The following FOCAD variants were observed in gnomAD, a reference collection of about 807,000 sequenced individuals.
The protein encoded by FOCAD is KIAA1797.
FOCAD carries 198 observed loss-of-function variants against 225.6 expected under a neutral mutation model. The ratio of observed to expected loss-of-function variants is 0.88; its 90% confidence interval spans 0.78 to 0.99. The LOEUF is 0.99. FOCAD is among the 50% of genes least tolerant of loss of function. The pLI, the probability that FOCAD is intolerant of heterozygous loss-of-function variation, is 0.00. For synonymous variants in FOCAD, 897 were observed against 755.0 expected (o/e 1.19, Z -3.08); for missense variants, 2,713 against 2,123.6 (o/e 1.28, Z -5.46).
rs1824488257 is a variant in FOCAD, at chr9:20,822,985, G to A, written c.1794-4G>A. On this transcript the variant is annotated splice_polypyrimidine_tract_variant and splice_region_variant and intron_variant, in intron 14 of 43. Transcript: ENST00000338382. ...TTTTGCTTTTAAACTTTCATTTCTT[G>A]TAGGCCATATCAACATGGTGCAGAT... The A allele has an allele frequency of 1.9e-6, 3 of 1,579,590 alleles. No individual in the cohort carries two copies. Among genetic ancestry groups the A allele is most frequent in the Non-Finnish European group, 2.6e-6 (3 of 1,168,268 alleles).
chr9:20,716,857 G>A (rs1161125551), intron 2 of FOCAD, among the ~76,000 whole-genome samples: 1 of 152,144 alleles, frequency 6.6e-6, no homozygotes, highest in Admixed American at 6.5e-5. Context: ...GAACTCTTGT[G>A]TGACTATAAA....
chr9:20,815,324 T>A (rs1405635662), intron 11 of FOCAD, among the ~76,000 whole-genome samples: 5 of 149,568 alleles, frequency 3.3e-5, no homozygotes, highest in Non-Finnish European at 5.9e-5. Flanking sequence ...TTTTTTTTTT[T>A]AGTATAGGTG....
intron 6 of FOCAD, among the ~76,000 whole-genome samples, chr9:20,758,929 C>G (rs1829314329): frequency 6.6e-6 from 1 of 152,142 alleles, no homozygotes; most frequent in Non-Finnish European, 1.5e-5. Context: ...TCTCAGGATA[C>G]AAACTCAATG....
chr9:20,857,536 A>G (rs1367520042), intron 15 of FOCAD, among the ~76,000 whole-genome samples: 1 of 151,916 alleles, frequency 6.6e-6, no homozygotes, highest in Non-Finnish European at 1.5e-5. Context: ...ATCATTTGGA[A>G]AGAAAAATAA....
At chr9:20,953,798 C>G (rs1237547717) in intron 35 of FOCAD, among the ~76,000 whole-genome samples, 1 of 152,092 alleles carries the variant, frequency 6.6e-6, no homozygotes, top group Non-Finnish European at 1.5e-5. Context: ...TTTATTCTTC[C>G]TTGGCTAGGT....
chr9:20,943,636 G>A (rs920882086), intron 28 of FOCAD, among the ~76,000 whole-genome samples: 1 of 152,060 alleles, frequency 6.6e-6, no homozygotes. Flanking sequence ...ACTGACCAAG[G>A]GGGTAGATGC....
chr9:20,877,861 T>A (rs370997895), intron 19 of FOCAD, among the ~76,000 whole-genome samples: 1 of 151,614 alleles, frequency 6.6e-6, no homozygotes, highest in Admixed American at 6.6e-5. Context: ...TAAGCCAACA[T>A]TGCACCACTG....
intron 7 of FOCAD, among the ~76,000 whole-genome samples, chr9:20,769,637 G>T (rs1039519482): frequency 7.9e-5 from 12 of 152,330 alleles, no homozygotes; most frequent in Non-Finnish European, 1.5e-4. Context: ...ATAACATGCT[G>T]ACTCTTTACT....
At chr9:20,834,431 A>G (rs937878195) in intron 15 of FOCAD, among the ~76,000 whole-genome samples, 1 of 151,940 alleles carries the variant, frequency 6.6e-6, no homozygotes, top group Non-Finnish European at 1.5e-5. Context: ...CATCCTACAC[A>G]TGTACCTTGG....
intron 4 of FOCAD, among the ~76,000 whole-genome samples, chr9:20,723,086 TC>T (rs1825912255): frequency 1.3e-5 from 2 of 152,196 alleles, no homozygotes; most frequent in African/African-American, 4.8e-5. Flanking sequence ...TATTAATTCT[TC>T]CTCCCTATTG....
At chr9:20,945,075 G>A (rs1195239856) in intron 29 of FOCAD, among the ~76,000 whole-genome samples, 2 of 152,184 alleles carry the variant, frequency 1.3e-5, no homozygotes, top group South Asian at 2.1e-4. Flanking sequence ...AGGTTAAATC[G>A]AGATTTTTAG....
intron 19 of FOCAD, among the ~76,000 whole-genome samples, chr9:20,877,569 A>G (rs550141556): frequency 2.6e-5 from 4 of 152,338 alleles, no homozygotes; most frequent in Non-Finnish European, 4.4e-5. Flanking sequence ...ATAAACAAAT[A>G]GCCCTCAAAA....
intron 2 of FOCAD, among the ~76,000 whole-genome samples, chr9:20,666,162 T>C (rs547726079): frequency 3.3e-5 from 5 of 152,342 alleles, no homozygotes; most frequent in Middle Eastern, 6.8e-3. Flanking sequence ...GTTTGTTCAT[T>C]TGTTGTTAAA....
intron 21 of FOCAD, among the ~76,000 whole-genome samples, chr9:20,900,402 T>C (rs904215557): frequency 6.6e-6 from 1 of 151,958 alleles, no homozygotes; most frequent in African/African-American, 2.4e-5. Flanking sequence ...TCTACATTCT[T>C]TCTTCTTTTT....
intron 15 of FOCAD, among the ~76,000 whole-genome samples, chr9:20,861,058 C>A (rs577824964): frequency 2.0e-5 from 3 of 152,116 alleles, no homozygotes; most frequent in Non-Finnish European, 4.4e-5. Context: ...TTCTTCAAAT[C>A]TCTTCTCAGG....
intron 35 of FOCAD, among the ~76,000 whole-genome samples, chr9:20,972,787 T>C (rs948832319): frequency 6.6e-6 from 1 of 152,220 alleles, no homozygotes; most frequent in Admixed American, 6.5e-5. Context: ...GACTCTGCCC[T>C]ATTTCTTCTT....
At chr9:20,767,828 A>G (rs1014216492) in intron 7 of FOCAD, among the ~76,000 whole-genome samples, 23 of 150,482 alleles carry the variant, frequency 1.5e-4, no homozygotes, top group Non-Finnish European at 3.1e-4. Flanking sequence ...TCTTTAGTTT[A>G]ATTAGATCCC....
chr9:20,810,038 A>G (rs1822885012), intron 11 of FOCAD, among the ~76,000 whole-genome samples: 2 of 152,194 alleles, frequency 1.3e-5, no homozygotes, highest in Admixed American at 1.3e-4. Context: ...AAGACTCAGC[A>G]TAGAGCTGTA....
intron 21 of FOCAD, among the ~76,000 whole-genome samples, chr9:20,904,462 T>A (rs1170109583): frequency 6.6e-6 from 1 of 152,000 alleles, no homozygotes; most frequent in Non-Finnish European, 1.5e-5. Context: ...CTAACCACCC[T>A]ATTTAACCCT....
Sources: gnomAD v4.1 joint callset for allele counts (sites outside exome capture counted in the v4.1 genomes callset) on GRCh38, gnomAD v4.1.1 for gene constraint, MANE v1.5 for transcripts, NCBI Gene and HGNC (gene_info 2026-07-23, HGNC 2026-07-21) for gene names.